ARIH1: variants seen among roughly 807,000 people sequenced by gnomAD.
ARIH1 encodes the protein E3 ubiquitin-protein ligase ARIH1.
In ARIH1, 8 loss-of-function variants were observed where a neutral mutation model predicts 85.0. The ratio of observed to expected loss-of-function variants is 0.09; its 90% CI spans 0.06 to 0.17. The LOEUF is 0.17. ARIH1 is among the 10% of genes least tolerant of loss of function. The probability of loss-of-function intolerance (pLI) is 1.00; values close to 1 mark genes in which losing one functional copy is unlikely to be tolerated. For synonymous variants in ARIH1, 238 were observed against 253.6 expected (o/e 0.94, Z 0.59); for missense variants, 311 against 718.1 (o/e 0.43, Z 6.48).
chr15:72,519,901 ACT>A (rs1375123275), intron 2 of ARIH1, among the ~76,000 whole-genome samples: 2 of 151,858 alleles, frequency 1.3e-5, no homozygotes, highest in African/African-American at 4.8e-5. Context: ...TACTTGTGAA[ACT>A]CTAATGAATT....
At chr15:72,479,332 T>C (rs1235668990) in intron 1 of ARIH1, among the ~76,000 whole-genome samples, 1 of 152,154 alleles carries the variant, frequency 6.6e-6, no homozygotes, top group Non-Finnish European at 1.5e-5. Flanking sequence ...CTGGGACTAT[T>C]GAATGTGAGT....
intron 12 of ARIH1, among the ~76,000 whole-genome samples, chr15:72,581,306 G>T (rs1182233867): frequency 6.6e-6 from 1 of 152,152 alleles, no homozygotes; most frequent in Non-Finnish European, 1.5e-5. Context: ...ATTTTAAAGT[G>T]AGGATAGTAC....
At chr15:72,506,115 G>T (rs1281152091) in intron 1 of ARIH1, among the ~76,000 whole-genome samples, 1 of 151,930 alleles carries the variant, frequency 6.6e-6, no homozygotes, top group Non-Finnish European at 1.5e-5. Flanking sequence ...TGGGGAGGCC[G>T]AGGCGGGCGG....
At chr15:72,514,486 A>G (rs1305851142) in intron 1 of ARIH1, among the ~76,000 whole-genome samples, 1 of 151,976 alleles carries the variant, frequency 6.6e-6, no homozygotes, top group Non-Finnish European at 1.5e-5. Flanking sequence ...TGGGAGGATC[A>G]TTTGAGTCTG....
intron 1 of ARIH1, among the ~76,000 whole-genome samples, chr15:72,506,867 A>C (rs1027201407): frequency 1.3e-5 from 2 of 150,500 alleles, no homozygotes; most frequent in Non-Finnish European, 3.0e-5. Context: ...TTGTTTTTTT[A>C]CTTAGCTTTA....
At chr15:72,508,818 C>T (rs546385631) in intron 1 of ARIH1, among the ~76,000 whole-genome samples, 2 of 151,764 alleles carry the variant, frequency 1.3e-5, no homozygotes, top group African/African-American at 4.8e-5. Context: ...CTCAGACTCC[C>T]GAGTAGCTGG....
At chr15:72,539,413 G>A (rs1432488857) in intron 2 of ARIH1, among the ~76,000 whole-genome samples, 1 of 150,908 alleles carries the variant, frequency 6.6e-6, no homozygotes, top group Non-Finnish European at 1.5e-5. Flanking sequence ...GAGGTAAACT[G>A]ATAAAACAAC....
At chr15:72,475,061 G>T in intron 1 of ARIH1, 47 bp downstream of exon 1, 2 of 1,543,684 alleles carry the variant, frequency 1.3e-6, no homozygotes, top group South Asian at 1.2e-5. Flanking sequence ...ACGGGGGAGC[G>T]GATTCAGGCG....
chr15:72,548,534 G>C (rs1490283280), intron 3 of ARIH1, among the ~76,000 whole-genome samples: 1 of 152,190 alleles, frequency 6.6e-6, no homozygotes, highest in Non-Finnish European at 1.5e-5. Flanking sequence ...GATAGGATAA[G>C]ATAGCAAAAG....
At chr15:72,511,950 C>G (rs890953777) in intron 1 of ARIH1, among the ~76,000 whole-genome samples, 4 of 152,022 alleles carry the variant, frequency 2.6e-5, no homozygotes, top group Non-Finnish European at 4.4e-5. Context: ...CTTCATTAGG[C>G]TTTTAGTGTG....
intron 1 of ARIH1, among the ~76,000 whole-genome samples, chr15:72,483,893 C>T (rs1029171291): frequency 5.3e-5 from 8 of 151,492 alleles, no homozygotes; most frequent in African/African-American, 9.7e-5. Flanking sequence ...GATTCACAGC[C>T]GGGCATGGTG....
intron 1 of ARIH1, among the ~76,000 whole-genome samples, chr15:72,487,175 T>C (rs1188500934): frequency 6.6e-6 from 1 of 152,060 alleles, no homozygotes; most frequent in African/African-American, 2.4e-5. Flanking sequence ...GACAATACAT[T>C]TTGGCAAAAA....
chr15:72,540,934 T>TA (rs1450869788), intron 2 of ARIH1, among the ~76,000 whole-genome samples: 3 of 152,134 alleles, frequency 2.0e-5, no homozygotes, highest in Non-Finnish European at 4.4e-5. Flanking sequence ...AGATTGATAG[T>TA]AAAAGTGTTG....
rs1478831135 is a variant in ARIH1 at position 72,590,067 on chromosome 15, T to A, written c.*6775T>A. 2.6e-5 allele frequency: 4 copies of A among 152,196 alleles called. No homozygotes were observed. The highest frequency in any genetic ancestry group is 2.6e-4 in the Admixed American group (4 of 15,290). The allele number at this position is 152,196 out of a possible 1,614,324, so 9.4% of individuals were successfully genotyped here. A position where few individuals can be genotyped will look rare whatever the true frequency, so the allele number is the denominator to read the frequency against. ...TTGAGGTCATCCTGTTAGTAAGTGG[T>A]GGAATGAAGTTACAAACCTAGGTTT... On this transcript the variant is annotated 3_prime_UTR_variant, in exon 14 of 14. Transcript: ENST00000379887.
chr15:72,508,361 G>A (rs2063935021), intron 1 of ARIH1, among the ~76,000 whole-genome samples: 1 of 152,146 alleles, frequency 6.6e-6, no homozygotes, highest in African/African-American at 2.4e-5. Context: ...AGCTTGAATT[G>A]GCTTTTCACT....
At chr15:72,509,936 C>G (rs2140406325) in intron 1 of ARIH1, among the ~76,000 whole-genome samples, 1 of 151,260 alleles carries the variant, frequency 6.6e-6, no homozygotes, top group East Asian at 1.9e-4. Flanking sequence ...GATGGGGCCT[C>G]ACTGTGTTGT....
At position 72,597,447 on chromosome 15, in the gene ARIH1, A is replaced by G. The variant is rs1039004101; in HGVS notation, c.*14155A>G. ...CTGCCAGGATTTTTTTTTTTAATCAATGGGCTGGGGATAGGAGGATCTTTC... is the reference window on the plus strand; with the variant it reads ...CTGCCAGGATTTTTTTTTTTAATCAGTGGGCTGGGGATAGGAGGATCTTTC... On this transcript the variant is annotated 3_prime_UTR_variant, in exon 14 of 14. Transcript: ENST00000379887. 2.0e-5 allele frequency: 3 copies of G among 148,190 alleles called. No individual in the cohort carries two copies. The highest frequency in any genetic ancestry group is 2.1e-4 in the South Asian group (1 of 4,786). The allele number at this position is 148,190 out of a possible 1,614,324, so 9.2% of individuals were successfully genotyped here. A position where few individuals can be genotyped will look rare whatever the true frequency, so the allele number is the denominator to read the frequency against.
At chr15:72,557,606 G>C (rs1167537199) in intron 5 of ARIH1, among the ~76,000 whole-genome samples, 1 of 152,180 alleles carries the variant, frequency 6.6e-6, no homozygotes, top group African/African-American at 2.4e-5. Context: ...TGGGGACTTA[G>C]TCATAAATTC....
chr15:72,564,369 G>A (rs1198963090), intron 7 of ARIH1, among the ~76,000 whole-genome samples: 1 of 152,008 alleles, frequency 6.6e-6, no homozygotes, highest in Non-Finnish European at 1.5e-5. Flanking sequence ...CATCATAATG[G>A]CCTTTACTGT....
Sources: gnomAD v4.1 joint callset for allele counts (sites outside exome capture counted in the v4.1 genomes callset) on GRCh38, gnomAD v4.1.1 for gene constraint, MANE v1.5 for transcripts, NCBI Gene and HGNC (gene_info 2026-07-23, HGNC 2026-07-21) for gene names.